TMEM130: variants seen among roughly 807,000 people sequenced by gnomAD.
TMEM130 encodes the protein transmembrane protein 130.
A neutral mutation model predicts 42.9 loss-of-function variants in TMEM130; 37 were observed. The ratio of observed to expected loss-of-function variants is 0.86; its 90% CI spans 0.66 to 1.13. The LOEUF (loss-of-function observed/expected upper bound fraction) is 1.13. Ranked by LOEUF, TMEM130 falls within the 50% of genes most tolerant of loss-of-function variation. The pLI is 0.00. For missense variants in TMEM130, 545 were observed against 562.6 expected, an observed-to-expected ratio of 0.97 and a Z score of 0.32; for synonymous variants, 259 against 237.7, an observed-to-expected ratio of 1.09 and a Z score of -0.82.
At position 98,848,040 on chromosome 7, in the gene TMEM130, T is replaced by G. The variant is rs202061563; in HGVS notation, c.*16A>C. On this transcript the variant is annotated 3_prime_UTR_variant, in exon 8 of 8. Coordinates refer to ENST00000339375, the MANE Select transcript of TMEM130 (RefSeq NM_152913.3). ...GCAGTCAGTTAACACTGAGATGGGG[T>G]GGGGAGGGGGAGTGCTCACACGGTG... 2 of 1,604,508 alleles carry G rather than the reference T, an allele frequency of 1.2e-6. No individual in the cohort carries two copies. Among genetic ancestry groups the G allele is most frequent in the Admixed American group, 1.7e-5 (1 of 59,388 alleles).
At chr7:98,848,299 G>A in intron 7 of TMEM130, 91 bp from the exon 8 acceptor site, 1 of 1,537,898 alleles carries the variant, frequency 6.5e-7, no homozygotes, top group Non-Finnish European at 8.9e-7. Flanking sequence ...AGCCCCATCA[G>A]GTGGCCTTAT....
intron 2 of TMEM130, among the ~76,000 whole-genome samples, chr7:98,861,375 C>T (rs1794767646): frequency 6.6e-6 from 1 of 151,754 alleles, no homozygotes; most frequent in African/African-American, 2.4e-5. Context: ...CCACTGATCA[C>T]AGCTTCACAC....
At chr7:98,860,122 G>A (rs782136593) in intron 3 of TMEM130, 57 bp downstream of exon 3, 115 of 1,547,908 alleles carry the variant, frequency 7.4e-5, no homozygotes, top group Admixed American at 2.4e-4. Context: ...TGCACAGTGC[G>A]CGGGACAGTG....
chr7:98,850,273 A>ATATATTTTTTTTTTTT, intron 6 of TMEM130, among the ~76,000 whole-genome samples: 6 of 35,472 alleles, frequency 1.7e-4, no homozygotes, highest in African/African-American at 3.8e-4. Context: ...ATATATATAT[A>ATATATTTTTTTTTTTT]TTTTTTTTTT....
Position 98,869,324 on chromosome 7 carries a change from A to G in TMEM130, c.85+453T>C. 7.8e-7 allele frequency: 1 copy of G among 1,274,410 alleles called. No individual in the cohort carries two copies. Among genetic ancestry groups the G allele is most frequent in the Non-Finnish European group, 1.0e-6 (1 of 982,974 alleles). 78.9% of individuals were successfully genotyped at this position (1,274,410 alleles called of 1,614,324 possible). A position where few individuals can be genotyped will look rare whatever the true frequency, so the allele number is the denominator to read the frequency against. On this transcript the variant is annotated intron_variant, in intron 1 of 7. Transcript: ENST00000339375. This position sits in a 1 kb window ranked among gnomAD's most constrained non-coding sequence, Gnocchi z 4.7. The stretch of plus-strand genomic sequence containing the variant: ...AAAGCCAGCACCAACACGGTGGGAA[A>G]CCCCTCTAGATGAGGCGACATTTTA...
chr7:98,866,323 T>G (rs556436466), intron 1 of TMEM130: 26 of 152,132 alleles, frequency 1.7e-4, no homozygotes, highest in African/African-American at 6.3e-4. Flanking sequence ...AATAAATAAA[T>G]ACATAAATCA....
chr7:98,860,094 A>T (rs1794727740), intron 3 of TMEM130, 85 bp downstream of exon 3: 3 of 1,213,854 alleles, frequency 2.5e-6, no homozygotes, highest in Non-Finnish European at 2.2e-6. Context: ...ATTAAAGGTG[A>T]AGAGATTCGG....
intron 5 of TMEM130, among the ~76,000 whole-genome samples, chr7:98,854,098 C>T (rs1378121488): frequency 2.1e-5 from 3 of 145,026 alleles, no homozygotes; most frequent in Admixed American, 7.1e-5. Context: ...AGTGCAATGG[C>T]GGGATCTCGG....
rs1554398809 is a variant in TMEM130, at chr7:98,855,378, G to A, written c.719-54C>T. 7 of 1,529,452 alleles carry A rather than the reference G, an allele frequency of 4.6e-6. No homozygotes were observed. The East Asian group carries it at 1.2e-4, about 25-fold the overall frequency. The allele number at this position is 1,529,452 out of a possible 1,614,324, so 94.7% of individuals were successfully genotyped here. ...CTGGTGGCTAAGGATTGCTGTCGAG[G>A]CTCCCAGGGCACAGGGTGGTGCGAC... On this transcript the variant is annotated intron_variant, in intron 4 of 7. Transcript: ENST00000339375.
Position 98,853,966 on chromosome 7 carries a change from G to T in TMEM130, c.803+1274C>A, listed in dbSNP as rs187846444. Among the ~76,000 whole-genome samples, 13 of 152,154 alleles carry T rather than the reference G, an allele frequency of 8.5e-5. 1 individual carries two copies. In the East Asian group the frequency reaches 1.4e-3, roughly 16 times the overall value. ...CAAAGCAGATGCTCAAGCAACTTTTGCCTGCTGGTGCAAGCTCCCCTGTGC... is the reference window on the plus strand; with the variant it reads ...CAAAGCAGATGCTCAAGCAACTTTTTCCTGCTGGTGCAAGCTCCCCTGTGC... On this transcript the variant is annotated intron_variant, in intron 5 of 7. Coordinates refer to ENST00000339375, the MANE Select transcript of TMEM130 (RefSeq NM_152913.3).
chr7:98,850,766 T>G (rs1307821479), intron 6 of TMEM130, among the ~76,000 whole-genome samples: 1 of 152,084 alleles, frequency 6.6e-6, no homozygotes, highest in Non-Finnish European at 1.5e-5. Context: ...CACTGTGAGT[T>G]GAGTAGAGTT....
At chr7:98,854,494 T>G (rs572217876) in intron 5 of TMEM130, among the ~76,000 whole-genome samples, 2 of 152,264 alleles carry the variant, frequency 1.3e-5, no homozygotes, top group South Asian at 4.1e-4. Flanking sequence ...ATCCCAGCAC[T>G]TGGGGAGGCC....
chr7:98,848,619 G>C lies in TMEM130; in HGVS notation c.1083C>G (p.Thr361=). Residue 361 remains threonine (T), a synonymous_variant, in exon 7 of 8, where the codon ACC becomes ACG. Coordinates refer to ENST00000339375, the MANE Select transcript of TMEM130 (RefSeq NM_152913.3). ...CCTTTTGCTGAGTGGCATTCCGCAG[G>C]GTCATGTACATGATGAAGGCCAACA... ...TVMLAFIMYM[T]LRNATQQKDM... The C allele has an allele frequency of 6.2e-7, 1 of 1,613,926 alleles. No homozygotes were observed. The highest frequency in any genetic ancestry group is 8.5e-7 in the Non-Finnish European group (1 of 1,179,878).
rs1198256778 is a variant in TMEM130 at position 98,855,267 on chromosome 7, A to T, written c.776T>A (p.Met259Lys). ...CCCCAGGAAGTTCAAGGTCACGGTCATCTTTTGGAAGGTCTGAATTAGGGT... is the reference window on the plus strand; with the variant it reads ...CCCCAGGAAGTTCAAGGTCACGGTCTTCTTTTGGAAGGTCTGAATTAGGGT... ...GPTLIQTFQK[M>K]TVTLNFLGSP... The change falls in exon 5 of 8, where the codon ATG becomes AAG. Residue 259 changes from methionine (M) to lysine (K), a missense_variant. Coordinates refer to ENST00000339375, the MANE Select transcript of TMEM130 (RefSeq NM_152913.3). 1 of 1,613,496 alleles carries T rather than the reference A, an allele frequency of 6.2e-7. No homozygotes were observed. Among genetic ancestry groups the T allele is most frequent in the Non-Finnish European group, 8.5e-7 (1 of 1,179,732 alleles).
At chr7:98,867,349 G>A (rs2116143398) in intron 1 of TMEM130, among the ~76,000 whole-genome samples, 1 of 152,198 alleles carries the variant, frequency 6.6e-6, no homozygotes, top group South Asian at 2.1e-4. Flanking sequence ...GTTGGGCTTT[G>A]CTCTCCCTCC....
At position 98,869,407 on chromosome 7, in the gene TMEM130, G is replaced by T; in HGVS notation, c.85+370C>A. ...GGGGACTGGGGAATTGTGGCGCGAT[G>T]ACGGACCCTGGCGCATCCCCGCCTC... On this transcript the variant is annotated intron_variant, in intron 1 of 7. Transcript: ENST00000339375. The surrounding 1 kb of genome is among the most constrained non-coding windows in gnomAD (Gnocchi z 4.7). The T allele has an allele frequency of 8.3e-7, 1 of 1,204,552 alleles. No homozygotes were observed. Among genetic ancestry groups the T allele is most frequent in the Non-Finnish European group, 1.0e-6 (1 of 957,024 alleles). 74.6% of individuals were successfully genotyped at this position (1,204,552 alleles called of 1,614,324 possible).
intron 5 of TMEM130, among the ~76,000 whole-genome samples, chr7:98,854,042 G>GTT (rs11297042): frequency 1.9e-5 from 2 of 105,562 alleles, no homozygotes; most frequent in Non-Finnish European, 4.0e-5. Context: ...GTTTTTTTTT[G>GTT]TTTTTTTTTT....
intron 1 of TMEM130, among the ~76,000 whole-genome samples, chr7:98,863,850 TCTTC>T (rs1226932119): frequency 8.6e-5 from 13 of 150,742 alleles, no homozygotes; most frequent in African/African-American, 2.0e-4. Flanking sequence ...TTTTCTTTCT[TCTTC>T]CTTCTTTCTT....
chr7:98,856,864 G>T (rs1480746945), intron 3 of TMEM130, among the ~76,000 whole-genome samples: 1 of 151,954 alleles, frequency 6.6e-6, no homozygotes, highest in Non-Finnish European at 1.5e-5. Context: ...CCTGCAAATT[G>T]TCTGCTTTCC....
Sources: allele counts gnomAD v4.1 joint callset (sites outside exome capture counted in the v4.1 genomes callset), GRCh38; gene constraint gnomAD v4.1.1; non-coding constraint Gnocchi (gnomAD v3.1); transcripts MANE v1.5; gene names NCBI Gene and HGNC (gene_info 2026-07-23, HGNC 2026-07-21).